The following WWOX variants were observed in gnomAD, a reference collection of about 807,000 sequenced individuals.
WWOX encodes WW domain containing oxidoreductase, also known as WW domain-containing oxidoreductase.
In WWOX, 69 loss-of-function variants were observed where a neutral mutation model predicts 46.2. The observed-to-expected ratio is 1.49, with a 90% confidence interval of 1.23 to 1.82. WWOX has a LOEUF of 1.82. Among genes scored for constraint, WWOX ranks in the 40% most tolerant of loss-of-function variants. WWOX has a pLI of 0.00. For synonymous variants in WWOX, 359 were observed against 202.6 expected, an observed-to-expected ratio of 1.77 and a Z score of -6.56; for missense variants, 919 against 542.6, an observed-to-expected ratio of 1.69 and a Z score of -6.89.
chr16:79,174,450 A>T (rs2050760850), intron 8 of WWOX, among the ~76,000 whole-genome samples: 1 of 152,174 alleles, frequency 6.6e-6, no homozygotes. Context: ...GGAGTTTGAG[A>T]TTAGCTTGAC....
At chr16:78,820,830 G>T (rs1019478448) in intron 8 of WWOX, among the ~76,000 whole-genome samples, 2 of 152,128 alleles carry the variant, frequency 1.3e-5, no homozygotes, top group African/African-American at 2.4e-5. Flanking sequence ...ACCATGCCAT[G>T]CCTGTCTCCT....
At chr16:78,167,267 C>G (rs768302966) in intron 5 of WWOX, 3 of 152,318 alleles carry the variant, frequency 2.0e-5, no homozygotes, top group East Asian at 1.9e-4. Flanking sequence ...GGGTAAGCCT[C>G]TGGATCTATT....
At chr16:78,210,327 C>T (rs2036519627) in intron 5 of WWOX, among the ~76,000 whole-genome samples, 1 of 152,156 alleles carries the variant, frequency 6.6e-6, no homozygotes, top group South Asian at 2.1e-4. Flanking sequence ...CAGTCGATAC[C>T]ACTGAGGATT....
At chr16:78,336,823 G>T (rs753074642) in intron 5 of WWOX, among the ~76,000 whole-genome samples, 1 of 152,000 alleles carries the variant, frequency 6.6e-6, no homozygotes, top group Non-Finnish European at 1.5e-5. Context: ...ACGAAGTTTC[G>T]CTCTCATTTC....
At chr16:79,122,527 C>G (rs897393436) in intron 8 of WWOX, among the ~76,000 whole-genome samples, 1 of 151,520 alleles carries the variant, frequency 6.6e-6, no homozygotes, top group Non-Finnish European at 1.5e-5. Context: ...TTCCTTCCTT[C>G]TCTCTATCCT....
intron 8 of WWOX, among the ~76,000 whole-genome samples, chr16:78,828,839 C>G (rs1348656746): frequency 6.6e-6 from 1 of 152,186 alleles, no homozygotes; most frequent in Non-Finnish European, 1.5e-5. Context: ...TCTCAGGCCA[C>G]TGTCTTTTGA....
At chr16:78,798,889 C>T (rs1416415617) in intron 8 of WWOX, among the ~76,000 whole-genome samples, 3 of 152,114 alleles carry the variant, frequency 2.0e-5, no homozygotes, top group African/African-American at 4.8e-5. Context: ...CTTTTCTCCC[C>T]AGGGGAATTA....
At chr16:78,917,302 C>T (rs866397082) in intron 8 of WWOX, among the ~76,000 whole-genome samples, 7 of 152,184 alleles carry the variant, frequency 4.6e-5, no homozygotes, top group African/African-American at 1.7e-4. Flanking sequence ...ATTTCGTTAT[C>T]AAAAGAAGAG....
At chr16:78,526,205 GCAGAAGCCGCAGGAAGTCAGT>G (rs2043463090) in intron 8 of WWOX, 1 of 152,232 alleles carries the variant, frequency 6.6e-6, no homozygotes, top group Non-Finnish European at 1.5e-5. Context: ...GAGTAGCGGG[GCAGAAGCCGCAGGAAGTCAGT>G]GCAGGACGCC....
chr16:78,459,572 G>GT (rs765956514), intron 8 of WWOX, among the ~76,000 whole-genome samples: 3 of 152,132 alleles, frequency 2.0e-5, no homozygotes, highest in Non-Finnish European at 2.9e-5. Context: ...TGGCTTAATT[G>GT]TAAGCGATCA....
rs564362488 is a variant in WWOX, at chr16:79,183,690, C to T, written c.1057-27918C>T. ...TGTGTGAACTCTGCATGTTTCAGCC[C>T]ATTTAATACCCATTACCTACGGAGG... On this transcript the variant is annotated intron_variant, in intron 8 of 8. Coordinates refer to ENST00000566780, the MANE Select transcript of WWOX (RefSeq NM_016373.4). Among the ~76,000 whole-genome samples the T allele has an allele frequency of 5.3e-5, 8 of 152,294 alleles. No individual in the cohort carries two copies. In the South Asian group the frequency reaches 1.7e-3, roughly 32 times the overall value.
At chr16:78,119,754 C>G (rs1483180639) in intron 4 of WWOX, among the ~76,000 whole-genome samples, 1 of 152,020 alleles carries the variant, frequency 6.6e-6, no homozygotes. Flanking sequence ...GTGTGAGCCA[C>G]TGTGCCCAGA....
At chr16:78,306,946 G>T (rs1479159235) in intron 5 of WWOX, among the ~76,000 whole-genome samples, 1 of 152,156 alleles carries the variant, frequency 6.6e-6, no homozygotes, top group Non-Finnish European at 1.5e-5. Flanking sequence ...CAGGTTTCCA[G>T]TATTATCTGT....
chr16:78,761,541 C>A (rs187737626), intron 8 of WWOX, among the ~76,000 whole-genome samples: 1 of 152,026 alleles, frequency 6.6e-6, no homozygotes, highest in Non-Finnish European at 1.5e-5. Context: ...CTGATAGTTT[C>A]CCTGTGGTTT....
intron 8 of WWOX, among the ~76,000 whole-genome samples, chr16:79,173,828 ACT>A (rs146632419): frequency 0.031 from 4,775 of 152,110 alleles, 267 homozygotes; most frequent in African/African-American, 0.11. Context: ...AATGAGAGAT[ACT>A]CTCTGACTAG....
chr16:78,892,887 C>T (rs573430370), intron 8 of WWOX, among the ~76,000 whole-genome samples: 25 of 152,302 alleles, frequency 1.6e-4, no homozygotes, highest in Non-Finnish European at 2.9e-4. Flanking sequence ...TTGGTATCTC[C>T]TACGCCAAGT....
intron 8 of WWOX, among the ~76,000 whole-genome samples, chr16:78,933,672 T>G (rs569474289): frequency 6.6e-6 from 1 of 152,264 alleles, no homozygotes; most frequent in Admixed American, 6.5e-5. Context: ...GCCTCACAAT[T>G]ACGGGGGCAG....
At chr16:78,997,353 T>C (rs2047010685) in intron 8 of WWOX, among the ~76,000 whole-genome samples, 1 of 152,212 alleles carries the variant, frequency 6.6e-6, no homozygotes, top group African/African-American at 2.4e-5. Flanking sequence ...ATGGAAAATC[T>C]AGAAGATTCG....
Position 78,505,273 on chromosome 16 carries a change from T to C in WWOX, c.1056+72521T>C, listed in dbSNP as rs1473682215. ...ACAGAATATTGTTCTTTTCTGTTTATATTATTTCATACTGAGTTAATACAC... is the reference window on the plus strand; with the variant it reads ...ACAGAATATTGTTCTTTTCTGTTTACATTATTTCATACTGAGTTAATACAC... On this transcript the variant is annotated intron_variant, in intron 8 of 8. Transcript: ENST00000566780. 2.0e-5 allele frequency among the ~76,000 whole-genome samples: 3 copies of C among 152,328 alleles called. No individual in the cohort carries two copies. In the South Asian group the frequency reaches 6.2e-4, roughly 32 times the overall value.
Sources: gnomAD v4.1 joint callset for allele counts (sites outside exome capture counted in the v4.1 genomes callset) on GRCh38, gnomAD v4.1.1 for gene constraint, MANE v1.5 for transcripts, NCBI Gene and HGNC (gene_info 2026-07-23, HGNC 2026-07-21) for gene names.